Variants in PDE1C observed in about 807,000 individuals in gnomAD.
PDE1C encodes the protein phosphodiesterase 1C.
In PDE1C, 62 loss-of-function variants were observed where a neutral mutation model predicts 93.1. The observed-to-expected ratio is 0.67, with a 90% CI of 0.54 to 0.82. The LOEUF is 0.82. Among genes scored for constraint, PDE1C ranks in the 40% least tolerant of loss-of-function variants. PDE1C has a pLI of 0.00. For missense variants in PDE1C, 742 were observed against 884.6 expected (o/e 0.84, Z 2.04); for synonymous variants, 325 against 310.1 (o/e 1.05, Z -0.50).
intron 9 of PDE1C, among the ~76,000 whole-genome samples, chr7:31,842,258 C>T (rs1792003016): frequency 6.6e-6 from 1 of 152,048 alleles, no homozygotes; most frequent in Non-Finnish European, 1.5e-5. Context: ...TAGTCTTTAA[C>T]ATTCCTTTTT....
At chr7:32,205,088 T>C (rs1265460392) in intron 2 of PDE1C, among the ~76,000 whole-genome samples, 2 of 152,212 alleles carry the variant, frequency 1.3e-5, no homozygotes, top group African/African-American at 4.8e-5. Flanking sequence ...TGGTATACAG[T>C]CCCTGTGCTT....
At chr7:32,065,084 G>A (rs866210030) in intron 1 of PDE1C, among the ~76,000 whole-genome samples, 5 of 151,348 alleles carry the variant, frequency 3.3e-5, no homozygotes, top group Non-Finnish European at 5.9e-5. Context: ...GGGCCAGTGA[G>A]GGGGAGGTGG....
chr7:31,890,294 TC>T (rs1292983246), intron 2 of PDE1C, among the ~76,000 whole-genome samples: 2 of 152,200 alleles, frequency 1.3e-5, no homozygotes, highest in Non-Finnish European at 2.9e-5. Flanking sequence ...AGAATCACTG[TC>T]ACTTCTGCCT....
chr7:31,623,846 T>C, the PDE1C span, among the ~76,000 whole-genome samples: 1 of 152,200 alleles, frequency 6.6e-6, no homozygotes, highest in East Asian at 1.9e-4. Flanking sequence ...TGTTTGCAGA[T>C]GATATGATTT....
chr7:32,197,308 G>A (rs1411516863), intron 2 of PDE1C, among the ~76,000 whole-genome samples: 1 of 151,940 alleles, frequency 6.6e-6, no homozygotes, highest in Non-Finnish European at 1.5e-5. Context: ...ATGTGTAGAG[G>A]AGGATTTAGA....
At chr7:31,720,035 C>T in the PDE1C span, among the ~76,000 whole-genome samples, 7 of 151,332 alleles carry the variant, frequency 4.6e-5, no homozygotes, top group Admixed American at 6.6e-5. Context: ...CGGTGGCGGG[C>T]GCCTGTAGTC....
chr7:32,332,516 C>T (rs1450100098), intron 1 of PDE1C, among the ~76,000 whole-genome samples: 1 of 151,900 alleles, frequency 6.6e-6, no homozygotes, highest in African/African-American at 2.4e-5. Flanking sequence ...CCATATGACC[C>T]AGCCATTCCA....
At chr7:32,298,741 G>T in exon 1 of PDE1C, 1 of 1,584,628 alleles carries the variant, frequency 6.3e-7, no homozygotes, top group South Asian at 1.1e-5. Context: ...GTCATGGCTC[G>T]GCCGGCCGGG....
intron 16 of PDE1C, among the ~76,000 whole-genome samples, chr7:31,799,286 T>C (rs1470824106): frequency 6.6e-6 from 1 of 151,704 alleles, no homozygotes; most frequent in African/African-American, 2.4e-5. Flanking sequence ...CCTCCACATC[T>C]GTACAGGCCC....
chr7:32,042,155 C>T (rs115697584), intron 2 of PDE1C, among the ~76,000 whole-genome samples: 3,466 of 152,200 alleles, frequency 0.023, 146 homozygotes, highest in African/African-American at 0.079. Context: ...CAAGAAGTAG[C>T]TGGGCATGAT....
At chr7:31,726,915 T>TC in the PDE1C span, among the ~76,000 whole-genome samples, 1 of 151,972 alleles carries the variant, frequency 6.6e-6, no homozygotes, top group East Asian at 1.9e-4. Context: ...GTGCCTGTAA[T>TC]CCCCAGCTAT....
chr7:31,973,897 A>G (rs989763635), intron 2 of PDE1C, among the ~76,000 whole-genome samples: 1 of 152,218 alleles, frequency 6.6e-6, no homozygotes, highest in Middle Eastern at 3.2e-3. Context: ...GGTCCTTATA[A>G]ACTAGATAAA....
chr7:32,202,905 A>T (rs1055946834), intron 2 of PDE1C, among the ~76,000 whole-genome samples: 1 of 152,084 alleles, frequency 6.6e-6, no homozygotes, highest in Admixed American at 6.5e-5. Flanking sequence ...ATTGTTAACT[A>T]CAGGGATTAT....
At chr7:32,151,049 A>T (rs929563109) in intron 3 of PDE1C, among the ~76,000 whole-genome samples, 3 of 152,328 alleles carry the variant, frequency 2.0e-5, no homozygotes, top group Middle Eastern at 3.4e-3. Context: ...TTCTTCAAAG[A>T]ATCGTATCTG....
chr7:31,712,613 G>T, the PDE1C span, among the ~76,000 whole-genome samples: 4 of 152,282 alleles, frequency 2.6e-5, no homozygotes, highest in East Asian at 7.7e-4. Context: ...GAGGGCTCTG[G>T]TGTCATGGCT....
the PDE1C span, among the ~76,000 whole-genome samples, chr7:31,676,261 A>G: frequency 6.6e-6 from 1 of 152,162 alleles, no homozygotes; most frequent in Non-Finnish European, 1.5e-5. Context: ...AATAGAAACT[A>G]CATTTTCTTT....
In PDE1C at chr7:32,006,374, TC is replaced by T; in HGVS notation, c.128+45179del. 2.6e-5 allele frequency among the ~76,000 whole-genome samples: 4 copies of T among 152,252 alleles called. No individual in the cohort carries two copies. In the East Asian group the frequency reaches 5.8e-4, roughly 22 times the overall value. On this transcript the variant is annotated intron_variant, in intron 2 of 17. Coordinates refer to ENST00000396191, the MANE Select transcript of PDE1C (RefSeq NM_001191057.4). ...TTATTTATCTTAAAATAGAAAATCC[TC>T]CCCCACACTATACAATACAGGGGTA...
intron 2 of PDE1C, among the ~76,000 whole-genome samples, chr7:32,202,805 T>A (rs962607443): frequency 4.5e-4 from 69 of 152,148 alleles, no homozygotes; most frequent in African/African-American, 1.6e-3. Flanking sequence ...TTGTGTTGCT[T>A]GCGTGGTTGA....
intron 1 of PDE1C, among the ~76,000 whole-genome samples, chr7:32,253,222 A>G (rs1188664051): frequency 1.3e-5 from 2 of 152,260 alleles, no homozygotes; most frequent in Non-Finnish European, 2.9e-5. Flanking sequence ...GGTCATCCCC[A>G]GAAGTAGAAT....
Sources: gnomAD v4.1 joint callset for allele counts (sites outside exome capture counted in the v4.1 genomes callset) on GRCh38, gnomAD v4.1.1 for gene constraint, MANE v1.5 for transcripts, NCBI Gene and HGNC (gene_info 2026-07-23, HGNC 2026-07-21) for gene names.